The following COL22A1 variants were observed in gnomAD, a reference collection of about 807,000 sequenced individuals.
COL22A1 encodes the protein collagen alpha-1(XXII) chain.
COL22A1 carries 221 observed loss-of-function variants against 248.9 expected under a neutral mutation model. The ratio of observed to expected loss-of-function variants is 0.89; its 90% CI spans 0.80 to 0.99. The LOEUF is 0.99. Among genes scored for constraint, COL22A1 ranks in the 50% least tolerant of loss-of-function variants. COL22A1 has a pLI of 0.00. For missense variants in COL22A1, 2,240 were observed against 2,179.0 expected, an observed-to-expected ratio of 1.03 and a Z score of -0.56; for synonymous variants, 891 against 793.4, an observed-to-expected ratio of 1.12 and a Z score of -2.07.
At chr8:138,762,544 C>T in intron 16 of COL22A1, 78 bp from the exon 17 acceptor site, 1 of 1,366,130 alleles carries the variant, frequency 7.3e-7, no homozygotes, top group African/African-American at 1.4e-5. Flanking sequence ...CCCACAGTGA[C>T]CGTCATGGAC....
intron 1 of COL22A1, among the ~76,000 whole-genome samples, chr8:138,903,718 G>A (rs1814790187): frequency 6.6e-6 from 1 of 152,166 alleles, no homozygotes; most frequent in South Asian, 2.1e-4. Flanking sequence ...AGTTGATGGG[G>A]TACATGGAAG....
chr8:138,727,075 G>T (rs553934975), intron 23 of COL22A1, among the ~76,000 whole-genome samples: 43 of 152,198 alleles, frequency 2.8e-4, no homozygotes, highest in South Asian at 1.2e-3. Flanking sequence ...CTCACGCAGG[G>T]ACCCGCTCAT....
intron 62 of COL22A1, among the ~76,000 whole-genome samples, chr8:138,596,010 G>T (rs2131801403): frequency 6.6e-6 from 1 of 152,258 alleles, no homozygotes; most frequent in East Asian, 1.9e-4. Context: ...GATCTTCCCA[G>T]CTCATCAACC....
At chr8:138,893,261 G>A (rs567079113) in intron 1 of COL22A1, among the ~76,000 whole-genome samples, 84 of 152,174 alleles carry the variant, frequency 5.5e-4, no homozygotes, top group Non-Finnish European at 1.0e-3. Context: ...TACTCTTGGG[G>A]CAGCTAGCAT....
At chr8:138,801,582 C>T (rs1488133770) in intron 11 of COL22A1, among the ~76,000 whole-genome samples, 1 of 152,166 alleles carries the variant, frequency 6.6e-6, no homozygotes, top group African/African-American at 2.4e-5. Context: ...ATTTTGTAAA[C>T]CAAGTAGTTG....
At chr8:138,710,868 C>G (rs1482070983) in intron 30 of COL22A1, among the ~76,000 whole-genome samples, 2 of 152,174 alleles carry the variant, frequency 1.3e-5, no homozygotes, top group East Asian at 3.8e-4. Context: ...CAGAACCAAT[C>G]TCATCTAAAC....
chr8:138,793,265 G>A (rs745846707), intron 12 of COL22A1, among the ~76,000 whole-genome samples: 4 of 152,146 alleles, frequency 2.6e-5, no homozygotes, highest in East Asian at 1.9e-4. Context: ...CATGAGTCAC[G>A]AGTGGCCTTC....
chr8:138,617,738 G>T (rs1245155582), intron 53 of COL22A1, among the ~76,000 whole-genome samples: 1 of 152,178 alleles, frequency 6.6e-6, no homozygotes, highest in Non-Finnish European at 1.5e-5. Flanking sequence ...CTGACTGTGA[G>T]TTAGGTCTGA....
chr8:138,853,397 C>T (rs1019801419), intron 3 of COL22A1, among the ~76,000 whole-genome samples: 1 of 152,206 alleles, frequency 6.6e-6, no homozygotes, highest in African/African-American at 2.4e-5. Flanking sequence ...AATAATGACT[C>T]ATGAGGGAGC....
intron 57 of COL22A1, among the ~76,000 whole-genome samples, chr8:138,607,020 T>A (rs897702496): frequency 2.0e-5 from 3 of 152,174 alleles, no homozygotes; most frequent in Non-Finnish European, 4.4e-5. Context: ...GAGGTCATTA[T>A]GTTTGCTAGG....
chr8:138,824,564 C>T, intron 6 of COL22A1, among the ~76,000 whole-genome samples: 1 of 152,292 alleles, frequency 6.6e-6, no homozygotes, highest in Admixed American at 6.5e-5. Context: ...TATTGAAACC[C>T]AGCCTCAGTT....
In COL22A1 at chr8:138,717,103, CA is replaced by C. The variant is rs1025717780; in HGVS notation, c.2356-235del. On this transcript the variant is annotated intron_variant, in intron 27 of 64. Coordinates refer to ENST00000303045, the MANE Select transcript of COL22A1 (RefSeq NM_152888.3). The stretch of plus-strand genomic sequence containing the variant: ...AGTCTTTTGCTTTCCCCAAAAGAAA[CA>C]ACTCTTAGAACTGTCCCATTAGAAT... Among the ~76,000 whole-genome samples, 112 of 152,252 alleles carry C rather than the reference CA, an allele frequency of 7.4e-4. 1 individual carries two copies. Among genetic ancestry groups the C allele is most frequent in the African/African-American group, 2.5e-3 (103 of 41,560 alleles).
At chr8:138,620,960 T>C (rs1318029135) in intron 52 of COL22A1, among the ~76,000 whole-genome samples, 6 of 92,836 alleles carry the variant, frequency 6.5e-5, no homozygotes, top group Non-Finnish European at 1.4e-4. Context: ...CATCCATCCA[T>C]CCATCCATCC....
At chr8:138,656,036 G>GTCACGTATTGTGTC in intron 44 of COL22A1, 92 bp from the exon 45 acceptor site, 1 of 1,027,108 alleles carries the variant, frequency 9.7e-7, no homozygotes, top group Non-Finnish European at 1.5e-6. Context: ...TTTAAAGTGT[G>GTCACGTATTGTGTC]ACACAATACG....
chr8:138,801,744 T>C (rs1817015620), intron 11 of COL22A1, among the ~76,000 whole-genome samples: 1 of 152,116 alleles, frequency 6.6e-6, no homozygotes, highest in South Asian at 2.1e-4. Context: ...CTGGGCATGG[T>C]GGCACACACA....
At chr8:138,882,412 TCTCTCACACTCC>T (rs1824284284) in intron 2 of COL22A1, among the ~76,000 whole-genome samples, 1 of 28,706 alleles carries the variant, frequency 3.5e-5, no homozygotes, top group Non-Finnish European at 1.3e-4. Flanking sequence ...TCACACATAT[TCTCTCACACTCC>T]CTCACACACT....
intron 23 of COL22A1, among the ~76,000 whole-genome samples, chr8:138,735,223 C>T (rs772988062): frequency 8.5e-5 from 13 of 152,136 alleles, no homozygotes; most frequent in East Asian, 7.7e-4. Flanking sequence ...GGCCTCTTAG[C>T]GTAAGAGTGG....
In COL22A1 at chr8:138,877,188, G is replaced by A. The variant is rs141625251; in HGVS notation, c.658+562C>T. ...CTTGGGTTATCTCAGAGGGCACCAG[G>A]TCAACAGCACTTGGCCTCTGGGATA... On this transcript the variant is annotated intron_variant, in intron 3 of 64. Coordinates refer to ENST00000303045, the MANE Select transcript of COL22A1 (RefSeq NM_152888.3). 3.4e-4 allele frequency among the ~76,000 whole-genome samples: 51 copies of A among 152,222 alleles called. 1 individual carries two copies. The South Asian group carries it at 1.0e-2, about 30-fold the overall frequency.
chr8:138,708,395 G>A lies in COL22A1; in HGVS notation c.2518-5048C>T, dbSNP rs181061692. On this transcript the variant is annotated intron_variant, in intron 30 of 64. Coordinates refer to ENST00000303045, the MANE Select transcript of COL22A1 (RefSeq NM_152888.3). ...TACCTGATTTCAAACTATACTAAAA[G>A]GCTACAGTAACCAAAACAGCATGGT... Among the ~76,000 whole-genome samples, 77 of 152,228 alleles carry A rather than the reference G, an allele frequency of 5.1e-4. 1 individual carries two copies. In the Middle Eastern group the frequency reaches 0.01, roughly 20 times the overall value.
Sources: gnomAD v4.1 joint callset for allele counts (sites outside exome capture counted in the v4.1 genomes callset) on GRCh38, gnomAD v4.1.1 for gene constraint, MANE v1.5 for transcripts, NCBI Gene and HGNC (gene_info 2026-07-23, HGNC 2026-07-21) for gene names.